Variants in CDH17 observed in about 807,000 individuals in gnomAD.
CDH17 encodes the protein cadherin 17, also known as cadherin-17.
CDH17 carries 67 observed loss-of-function variants against 86.3 expected under a neutral mutation model. The ratio of observed to expected loss-of-function variants is 0.78; its 90% CI spans 0.64 to 0.95. CDH17 has a LOEUF of 0.95. Among genes scored for constraint, CDH17 ranks in the 40% least tolerant of loss-of-function variants. The pLI is 0.00. For missense variants in CDH17, 993 were observed against 1,017.6 expected (o/e 0.98, Z 0.33); for synonymous variants, 367 against 366.4 (o/e 1.00, Z -0.02).
intron 15 of CDH17, among the ~76,000 whole-genome samples, chr8:94,141,977 C>A (rs1242795784): frequency 6.6e-6 from 1 of 152,062 alleles, no homozygotes; most frequent in Non-Finnish European, 1.5e-5. Flanking sequence ...GCAATCAAGA[C>A]AATGTGTTAT....
intron 15 of CDH17, 140 bp downstream of exon 15, chr8:94,145,788 G>A: frequency 2.1e-6 from 2 of 936,542 alleles, no homozygotes; most frequent in South Asian, 1.7e-5. Flanking sequence ...GTCCTTCCCT[G>A]TACAAGCTTC....
chr8:94,187,310 G>A (rs1813599791), intron 3 of CDH17, among the ~76,000 whole-genome samples: 1 of 152,106 alleles, frequency 6.6e-6, no homozygotes, highest in Non-Finnish European at 1.5e-5. Flanking sequence ...CATCCCACCA[G>A]CCTCCCATGA....
At chr8:94,164,635 T>C (rs1433815434) in intron 10 of CDH17, among the ~76,000 whole-genome samples, 1 of 152,212 alleles carries the variant, frequency 6.6e-6, no homozygotes, top group African/African-American at 2.4e-5. Flanking sequence ...AATATCCCTG[T>C]AAAGGACAGA....
At chr8:94,149,536 T>C (rs1454522100) in intron 13 of CDH17, among the ~76,000 whole-genome samples, 1 of 152,080 alleles carries the variant, frequency 6.6e-6, no homozygotes, top group African/African-American at 2.4e-5. Context: ...AGCAAAGTCT[T>C]TCTGAAGTAG....
intron 12 of CDH17, among the ~76,000 whole-genome samples, chr8:94,155,229 C>G (rs1812924031): frequency 6.6e-6 from 1 of 151,938 alleles, no homozygotes; most frequent in African/African-American, 2.4e-5. Flanking sequence ...TCACGTGGTC[C>G]ACGGTTCAAT....
At chr8:94,197,643 C>G (rs910174915) in intron 1 of CDH17, among the ~76,000 whole-genome samples, 1 of 151,832 alleles carries the variant, frequency 6.6e-6, no homozygotes, top group East Asian at 1.9e-4. Flanking sequence ...CAAGCCTGGT[C>G]AACATAGTGA....
At chr8:94,151,484 A>G (rs1399580539) in intron 13 of CDH17, among the ~76,000 whole-genome samples, 2 of 152,040 alleles carry the variant, frequency 1.3e-5, no homozygotes, top group Admixed American at 6.5e-5. Flanking sequence ...TCTGTCTAGA[A>G]CTCCAATACA....
rs142577691 is a variant in CDH17 at position 94,176,547 on chromosome 8, G to A, written c.418C>T (p.Arg140Cys). The stretch of plus-strand genomic sequence containing the variant: ...TCTGGCCCCTGCCTGTTACCTGGGC[G>A]AGAGTTCTGCCTTACTGAGCCTTCG... ...KYEGSVRQNS[R>C]PGKPFLYVNA... Residue 140 changes from arginine to cysteine, a missense_variant, in exon 5 of 18, where the codon CGC becomes TGC. Coordinates refer to ENST00000027335, the MANE Select transcript of CDH17 (RefSeq NM_004063.4). 6.8e-6 allele frequency: 11 copies of A among 1,613,538 alleles called. No homozygotes were observed. Among genetic ancestry groups the A allele is most frequent in the East Asian group, 2.2e-5 (1 of 44,870 alleles).
intron 5 of CDH17, among the ~76,000 whole-genome samples, chr8:94,175,647 G>A (rs1021988534): frequency 2.0e-5 from 3 of 152,076 alleles, no homozygotes; most frequent in Non-Finnish European, 4.4e-5. Flanking sequence ...ACACACTCAC[G>A]CCTTAATGAA....
chr8:94,210,725 T>G (rs183320094), upstream of CDH17, among the ~76,000 whole-genome samples: 1 of 151,992 alleles, frequency 6.6e-6, no homozygotes, highest in Non-Finnish European at 1.5e-5. Context: ...ATTTATAGGA[T>G]GAAAACAACT....
intron 13 of CDH17, among the ~76,000 whole-genome samples, chr8:94,149,434 G>A (rs1009316039): frequency 6.6e-6 from 1 of 152,154 alleles, no homozygotes; most frequent in Non-Finnish European, 1.5e-5. Context: ...TCTTAGGCAA[G>A]TGAGATAGAC....
intron 3 of CDH17, among the ~76,000 whole-genome samples, chr8:94,180,057 T>C (rs1035070484): frequency 1.3e-5 from 2 of 152,074 alleles, no homozygotes; most frequent in Admixed American, 6.6e-5. Context: ...AGAATTAAAG[T>C]TTGAAAACAA....
chr8:94,216,266 A>G lies in CDH17; in HGVS notation c.-21+932T>C, dbSNP rs147111969. ...AATTTTCCAATAGCTACAGGAGGAA[A>G]CACAGGAAATGAAAGCTCACATCTG... On this transcript the variant is annotated intron_variant, in intron 1 of 17. Transcript: ENST00000450165. Among the ~76,000 whole-genome samples the G allele has an allele frequency of 2.1e-3, 327 of 152,334 alleles. 2 individuals carry two copies. Among genetic ancestry groups the G allele is most frequent in the Non-Finnish European group, 3.6e-3 (248 of 68,026 alleles).
intron 13 of CDH17, 136 bp from the exon 14 acceptor site, chr8:94,149,010 A>C (rs1057512472): frequency 1.7e-6 from 1 of 576,952 alleles, no homozygotes; most frequent in African/African-American, 2.0e-5. Context: ...TAATGCTGAG[A>C]TTATCATTAT....
intron 3 of CDH17, among the ~76,000 whole-genome samples, chr8:94,180,755 C>T (rs1309935306): frequency 1.3e-5 from 2 of 151,872 alleles, no homozygotes; most frequent in South Asian, 2.1e-4. Context: ...ATTAGCCGGG[C>T]ATGGTGGTGG....
chr8:94,146,473 A>G (rs929176360), intron 14 of CDH17, among the ~76,000 whole-genome samples: 1 of 152,246 alleles, frequency 6.6e-6, no homozygotes, highest in Non-Finnish European at 1.5e-5. Context: ...GTCTAACTCT[A>G]GCACTCACAC....
intron 2 of CDH17, among the ~76,000 whole-genome samples, chr8:94,189,991 C>A (rs1427922009): frequency 6.6e-6 from 1 of 151,970 alleles, no homozygotes; most frequent in Non-Finnish European, 1.5e-5. Context: ...AACTTGAAAG[C>A]TAAGCAGGCT....
intron 3 of CDH17, among the ~76,000 whole-genome samples, chr8:94,188,343 A>G (rs1378526836): frequency 6.6e-6 from 1 of 152,096 alleles, no homozygotes; most frequent in Non-Finnish European, 1.5e-5. Context: ...TTGCTGATGC[A>G]TGAACCCACA....
intron 1 of CDH17, among the ~76,000 whole-genome samples, chr8:94,201,155 G>A (rs901008563): frequency 1.3e-5 from 2 of 151,920 alleles, no homozygotes; most frequent in Non-Finnish European, 2.9e-5. Context: ...GACCTGCCCC[G>A]ACCTGCCTGG....
Sources: allele counts gnomAD v4.1 joint callset (sites outside exome capture counted in the v4.1 genomes callset), GRCh38; gene constraint gnomAD v4.1.1; transcripts MANE v1.5; gene names NCBI Gene and HGNC (gene_info 2026-07-23, HGNC 2026-07-21).